RAP1GDS1: variants seen among roughly 807,000 people sequenced by gnomAD.
RAP1GDS1 encodes the protein Rap1 GTPase-GDP dissociation stimulator 1.
A neutral mutation model predicts 71.1 loss-of-function variants in RAP1GDS1; 35 were observed. That is an observed-to-expected ratio of 0.49 (90% CI 0.38 to 0.65). The LOEUF (loss-of-function observed/expected upper bound fraction) is 0.65, where lower values mean the gene tolerates loss of function less well. RAP1GDS1 is among the 30% of genes least tolerant of loss of function. RAP1GDS1 has a pLI of 0.00. For missense variants in RAP1GDS1, 663 were observed against 706.1 expected, an observed-to-expected ratio of 0.94 and a Z score of 0.69; for synonymous variants, 229 against 243.1, an observed-to-expected ratio of 0.94 and a Z score of 0.54.
chr4:98,292,028 A>T (rs1003965590), intron 1 of RAP1GDS1, among the ~76,000 whole-genome samples: 6 of 152,172 alleles, frequency 3.9e-5, no homozygotes, highest in African/African-American at 1.2e-4. Context: ...TTCTTCATCT[A>T]TTCAAACCAA....
At chr4:98,265,992 A>G (rs1722674323) in intron 1 of RAP1GDS1, among the ~76,000 whole-genome samples, 1 of 152,116 alleles carries the variant, frequency 6.6e-6, no homozygotes, top group Non-Finnish European at 1.5e-5. Flanking sequence ...GTCATGCTGT[A>G]TTTCTCACCT....
chr4:98,326,648 T>G (rs1220042496), intron 2 of RAP1GDS1, among the ~76,000 whole-genome samples: 1 of 152,170 alleles, frequency 6.6e-6, no homozygotes, highest in Non-Finnish European at 1.5e-5. Context: ...CTTTCCCTCC[T>G]CAGCTCCAGC....
chr4:98,380,557 A>G (rs1172986933), intron 5 of RAP1GDS1, among the ~76,000 whole-genome samples: 5 of 151,740 alleles, frequency 3.3e-5, no homozygotes, highest in Non-Finnish European at 5.9e-5. Flanking sequence ...GGTGGAATCA[A>G]TTTTGAAGAA....
intron 1 of RAP1GDS1, 140 bp downstream of exon 1, chr4:98,261,709 G>C: frequency 8.6e-7 from 1 of 1,164,612 alleles, no homozygotes; most frequent in Non-Finnish European, 1.2e-6. Context: ...CCTCCGGGGA[G>C]AGTCGGCGCA....
chr4:98,438,465 T>C (rs1351728842), intron 14 of RAP1GDS1, among the ~76,000 whole-genome samples: 1 of 151,254 alleles, frequency 6.6e-6, no homozygotes, highest in Non-Finnish European at 1.5e-5. Context: ...CTGATATGGC[T>C]TAAGTGTGCA....
intron 5 of RAP1GDS1, among the ~76,000 whole-genome samples, chr4:98,379,804 A>G (rs1219845771): frequency 2.0e-5 from 3 of 151,916 alleles, no homozygotes; most frequent in East Asian, 3.9e-4. Flanking sequence ...CAAAATATCC[A>G]TTTGTTTCTT....
chr4:98,317,354 C>T (rs73834428), intron 2 of RAP1GDS1, among the ~76,000 whole-genome samples: 3 of 152,072 alleles, frequency 2.0e-5, no homozygotes, highest in Non-Finnish European at 2.9e-5. Context: ...AAAACCTTTC[C>T]GCACTCATGT....
At chr4:98,433,386 C>T (rs1561013432) in intron 12 of RAP1GDS1, among the ~76,000 whole-genome samples, 1 of 151,924 alleles carries the variant, frequency 6.6e-6, no homozygotes, top group Non-Finnish European at 1.5e-5. Context: ...GCCTTGAGCT[C>T]CCTGGCTCAA....
At chr4:98,378,022 T>C (rs1382452003) in intron 4 of RAP1GDS1, among the ~76,000 whole-genome samples, 1 of 151,868 alleles carries the variant, frequency 6.6e-6, no homozygotes, top group African/African-American at 2.4e-5. Context: ...GTGATATATA[T>C]TGAATTGAAT....
Position 98,375,056 on chromosome 4 carries a change from A to G in RAP1GDS1, c.362-3961A>G, listed in dbSNP as rs79268679. ...CTGCTGTAACAAAGTACCACAAACTAGTTGGCTTAAAATAAGAGAAGTTTA... is the reference window on the plus strand; with the variant it reads ...CTGCTGTAACAAAGTACCACAAACTGGTTGGCTTAAAATAAGAGAAGTTTA... On this transcript the variant is annotated intron_variant, in intron 4 of 14. Coordinates refer to ENST00000408927, the MANE Select transcript of RAP1GDS1 (RefSeq NM_001100427.2). 9.1e-3 allele frequency among the ~76,000 whole-genome samples: 1,389 copies of G among 152,218 alleles called. 23 individuals are homozygous for G. The highest frequency in any genetic ancestry group is 0.032 in the African/African-American group (1,319 of 41,514).
chr4:98,330,835 C>T (rs1253583303), intron 2 of RAP1GDS1, among the ~76,000 whole-genome samples: 1 of 151,850 alleles, frequency 6.6e-6, no homozygotes, highest in Non-Finnish European at 1.5e-5. Context: ...GGCAGAGGGG[C>T]TCCTCACATC....
chr4:98,289,498 A>T (rs1726573881), intron 1 of RAP1GDS1, among the ~76,000 whole-genome samples: 1 of 147,182 alleles, frequency 6.8e-6, no homozygotes, highest in Non-Finnish European at 1.5e-5. Flanking sequence ...GTAATGGGAG[A>T]TGGCATAATG....
rs566974921 is a variant in RAP1GDS1, at chr4:98,400,038, A to C, written c.638-4439A>C. Among the ~76,000 whole-genome samples the C allele has an allele frequency of 5.3e-5, 8 of 152,214 alleles. No homozygotes were observed. In the South Asian group the frequency reaches 1.7e-3, roughly 32 times the overall value. On this transcript the variant is annotated intron_variant, in intron 6 of 14. Transcript: ENST00000408927. ...CATGGTGGCACAGGTGTATAGTCCCAGCTACCTGGGAAGCTGGGGTGGGAG... is the reference window on the plus strand; with the variant it reads ...CATGGTGGCACAGGTGTATAGTCCCCGCTACCTGGGAAGCTGGGGTGGGAG...
chr4:98,319,125 A>G (rs1242646740), intron 2 of RAP1GDS1, among the ~76,000 whole-genome samples: 2 of 152,182 alleles, frequency 1.3e-5, no homozygotes, highest in Non-Finnish European at 2.9e-5. Context: ...GCTTCTATAC[A>G]TATCTGTCTC....
At chr4:98,369,867 TAAGG>T (rs1314305870) in intron 4 of RAP1GDS1, among the ~76,000 whole-genome samples, 4 of 152,196 alleles carry the variant, frequency 2.6e-5, no homozygotes, top group Non-Finnish European at 4.4e-5. Context: ...ATAGAGCTAA[TAAGG>T]AAGGGAATCC....
At chr4:98,414,801 T>C (rs1303220390) in intron 7 of RAP1GDS1, among the ~76,000 whole-genome samples, 1 of 152,096 alleles carries the variant, frequency 6.6e-6, no homozygotes, top group Non-Finnish European at 1.5e-5. Flanking sequence ...GTAAATTACC[T>C]TGGGTAGTAT....
intron 2 of RAP1GDS1, among the ~76,000 whole-genome samples, chr4:98,307,142 T>A (rs1030175659): frequency 6.6e-6 from 1 of 151,950 alleles, no homozygotes; most frequent in Non-Finnish European, 1.5e-5. Context: ...TTTTTTTAGA[T>A]AATCAATTTT....
At chr4:98,272,184 G>A in intron 1 of RAP1GDS1, among the ~76,000 whole-genome samples, 1 of 152,344 alleles carries the variant, frequency 6.6e-6, no homozygotes, top group South Asian at 2.1e-4. Flanking sequence ...TAGTGTGTAA[G>A]TAATTGTGGT....
intron 7 of RAP1GDS1, among the ~76,000 whole-genome samples, 178 bp from the exon 8 acceptor site, chr4:98,416,567 G>T (rs1029782623): frequency 6.6e-6 from 1 of 151,380 alleles, no homozygotes. Flanking sequence ...AGCCAGGATG[G>T]TCTCGATCTC....
Sources: gnomAD v4.1 joint callset for allele counts (sites outside exome capture counted in the v4.1 genomes callset) on GRCh38, gnomAD v4.1.1 for gene constraint, MANE v1.5 for transcripts, NCBI Gene and HGNC (gene_info 2026-07-23, HGNC 2026-07-21) for gene names.